Variants in UBL7 observed in about 807,000 individuals in gnomAD.
UBL7 encodes ubiquitin like 7, also known as ubiquitin-like protein 7.
A neutral mutation model predicts 41.7 loss-of-function variants in UBL7; 21 were observed. That is an observed-to-expected ratio of 0.50 (90% CI 0.36 to 0.73). The LOEUF (loss-of-function observed/expected upper bound fraction) is 0.73. Among genes scored for constraint, UBL7 ranks in the 30% least tolerant of loss-of-function variants. The pLI is 0.00. For missense variants in UBL7, 403 were observed against 478.4 expected (o/e 0.84, Z 1.47); for synonymous variants, 157 against 186.9 (o/e 0.84, Z 1.31).
In UBL7 at chr15:74,459,794, G is replaced by A. The variant is rs534562791; in HGVS notation, c.-29-898C>T. On this transcript the variant is annotated intron_variant, in intron 1 of 10. Transcript: ENST00000395081. ...CAGCCTGGCCAACATGGTGAAACCC[G>A]TCACTACTAAAAATACAAAAATTAG... 4.8e-4 allele frequency among the ~76,000 whole-genome samples: 70 copies of A among 146,928 alleles called. No homozygotes were observed. In the South Asian group the frequency reaches 0.013, roughly 27 times the overall value.
intron 1 of UBL7, among the ~76,000 whole-genome samples, chr15:74,459,932 C>CAAA (rs55846825): frequency 1.4e-3 from 25 of 18,270 alleles, no homozygotes; most frequent in Admixed American, 3.9e-3. Flanking sequence ...GACTCTGTCG[C>CAAA]AAAAAAAAAA....
chr15:74,458,797 C>T lies in UBL7; in HGVS notation c.71G>A (p.Arg24Gln), dbSNP rs552126715. ...TTCTCCCAGTTCTGTCTCTGGCAAC[C>T]GAAGAATAGACTTTGGAGTAAGTGG... ...DQPLTPKSIL[R>Q]LPETELGEYS... Residue 24 changes from arginine (R) to glutamine (Q), a missense_variant, in exon 2 of 11, where the codon CGG becomes CAG. By Grantham distance (43) the Arg-to-Gln change is conservative (BLOSUM62 1). Transcript: ENST00000395081. 14 of 1,613,802 alleles carry T rather than the reference C, an allele frequency of 8.7e-6. No individual in the cohort carries two copies. The highest frequency in any genetic ancestry group is 5.5e-5 in the South Asian group (5 of 91,086).
chr15:74,448,405 A>C lies in UBL7; in HGVS notation c.1005+73T>G, dbSNP rs193151154. 320 of 1,598,622 alleles carry C rather than the reference A, an allele frequency of 2.0e-4. 1 individual carries two copies. The highest frequency in any genetic ancestry group is 2.4e-5 in the Non-Finnish European group (28 of 1,171,190). ...CATGCCAGGTGTGAAGGACCGCCAG[A>C]GAGCAAAACAAAGGCTGGGCATCCA... On this transcript the variant is annotated intron_variant, in intron 10 of 10. Coordinates refer to ENST00000395081, the MANE Select transcript of UBL7 (RefSeq NM_032907.5).
At chr15:74,455,469 G>A (rs1434921552) in intron 3 of UBL7, among the ~76,000 whole-genome samples, 1 of 152,214 alleles carries the variant, frequency 6.6e-6, no homozygotes, top group Non-Finnish European at 1.5e-5. Context: ...AGAGCAGTTA[G>A]CTAACTGAAC....
intron 2 of UBL7, among the ~76,000 whole-genome samples, chr15:74,457,388 C>A (rs985040583): frequency 1.3e-5 from 2 of 151,992 alleles, no homozygotes; most frequent in African/African-American, 4.8e-5. Flanking sequence ...ACCAAAAATA[C>A]AAAAATTAGC....
rs2061242254 is a variant in UBL7, at chr15:74,451,178, C to A, written c.472+258G>T. On this transcript the variant is annotated intron_variant, in intron 5 of 10. Transcript: ENST00000395081. ...GTGTGCAGGACGCCTTCCCTGATTGCTGTGATGTGGGCTAACTGCTATCCT... is the reference window on the plus strand; with the variant it reads ...GTGTGCAGGACGCCTTCCCTGATTGATGTGATGTGGGCTAACTGCTATCCT... 2.0e-5 allele frequency among the ~76,000 whole-genome samples: 3 copies of A among 152,222 alleles called. No homozygotes were observed. In the South Asian group the frequency reaches 6.2e-4, roughly 32 times the overall value.
intron 1 of UBL7, 24 bp downstream of exon 1, chr15:74,461,012 GA>G: frequency 9.2e-7 from 1 of 1,092,064 alleles, no homozygotes; most frequent in Non-Finnish European, 1.1e-6. Context: ...AATGGGGCAG[GA>G]ACACTATCCG....
intron 2 of UBL7, among the ~76,000 whole-genome samples, chr15:74,457,416 G>A (rs151172672): frequency 0.024 from 3,591 of 152,214 alleles, 141 homozygotes; most frequent in African/African-American, 0.082. Context: ...GGTGGCAGAC[G>A]CCTGTAATCC....
chr15:74,446,307 G>A lies in UBL7; in HGVS notation c.1006-80C>T. 8.3e-6 allele frequency: 13 copies of A among 1,566,156 alleles called. No homozygotes were observed. The highest frequency in any genetic ancestry group is 1.1e-5 in the Non-Finnish European group (13 of 1,152,510). ...ACTTAGGTCTGTGCTTTCCGGGGAAGGAAAGGAAGATGGGGGAGTCCTCAG... is the reference window on the plus strand; with the variant it reads ...ACTTAGGTCTGTGCTTTCCGGGGAAAGAAAGGAAGATGGGGGAGTCCTCAG... On this transcript the variant is annotated intron_variant, in intron 10 of 10. Coordinates refer to ENST00000395081, the MANE Select transcript of UBL7 (RefSeq NM_032907.5). This position sits in a 1 kb window ranked among gnomAD's most constrained non-coding sequence, Gnocchi z 4.1.
Position 74,461,105 on chromosome 15 carries a change from C to A in UBL7, c.-98G>T. The A allele has an allele frequency of 2.0e-6, 2 of 998,274 alleles. No homozygotes were observed. Among genetic ancestry groups the A allele is most frequent in the African/African-American group, 3.5e-5 (2 of 57,494 alleles). The allele number at this position is 998,274 out of a possible 1,614,324, so 61.8% of individuals were successfully genotyped here. A position where few individuals can be genotyped will look rare whatever the true frequency, so the allele number is the denominator to read the frequency against. On this transcript the variant is annotated 5_prime_UTR_variant, in exon 1 of 11. Coordinates refer to ENST00000395081, the MANE Select transcript of UBL7 (RefSeq NM_032907.5). ...GCGCTGCCCAGGGCCCCAGCGCCCT[C>A]ACCCGTCCCGCGGAAGGAACCCGGC...
Position 74,456,584 on chromosome 15 carries a change from C to G in UBL7, c.272G>C (p.Arg91Pro). ...IQPGSTVHVL[R>P]KSWPEPDQKP... Reference sequence around the variant, plus strand: ...CTGATCAGGTTCAGGCCAGGACTTTCGCAGAACATGGACAGTGGACCCAGG... The same window carrying G: ...CTGATCAGGTTCAGGCCAGGACTTTGGCAGAACATGGACAGTGGACCCAGG... Residue 91 changes from arginine to proline, a missense_variant, in exon 3 of 11, where the codon CGA (arginine) becomes CCA (proline). Transcript: ENST00000395081. The G allele has an allele frequency of 1.9e-6, 3 of 1,614,120 alleles. No individual in the cohort carries two copies. Among genetic ancestry groups the G allele is most frequent in the South Asian group, 2.2e-5 (2 of 91,072 alleles).
In UBL7 at chr15:74,461,058, T is replaced by A; in HGVS notation, c.-51A>T. The stretch of plus-strand genomic sequence containing the variant: ...TCACCGCTCCAGTGGGACCAGCTAC[T>A]TGGCTGACACACATCGAGCCCGCGC... On this transcript the variant is annotated 5_prime_UTR_variant, in exon 1 of 11. The change creates a new upstream start codon in the 5' untranslated region. Transcript: ENST00000395081. The A allele has an allele frequency of 9.7e-7, 1 of 1,035,038 alleles. No individual in the cohort carries two copies. Among genetic ancestry groups the A allele is most frequent in the Non-Finnish European group, 1.2e-6 (1 of 857,362 alleles). The allele number at this position is 1,035,038 out of a possible 1,614,324, so 64.1% of individuals were successfully genotyped here. A position where few individuals can be genotyped will look rare whatever the true frequency, so the allele number is the denominator to read the frequency against.
chr15:74,448,208 G>A (rs2061204300), intron 10 of UBL7, among the ~76,000 whole-genome samples: 1 of 152,192 alleles, frequency 6.6e-6, no homozygotes, highest in Admixed American at 6.5e-5. Flanking sequence ...ATCACTGAAT[G>A]AATGAATGAA....
At chr15:74,458,569 G>T in intron 2 of UBL7, 115 bp downstream of exon 2, 1 of 860,646 alleles carries the variant, frequency 1.2e-6, no homozygotes, top group Non-Finnish European at 1.8e-6. Context: ...TCCCTGGAGT[G>T]TTAACATTAT....
rs889672994 is a variant in UBL7, at chr15:74,460,315, T to C, written c.-30+722A>G. Among the ~76,000 whole-genome samples, 13 of 144,382 alleles carry C rather than the reference T, an allele frequency of 9.0e-5. No individual in the cohort carries two copies. The South Asian group carries it at 1.6e-3, about 18-fold the overall frequency. 94.7% of individuals were successfully genotyped at this position (144,382 alleles called of 152,430 possible). On this transcript the variant is annotated intron_variant, in intron 1 of 10. Coordinates refer to ENST00000395081, the MANE Select transcript of UBL7 (RefSeq NM_032907.5). ...CCATCTATATAAATTAAGTCTAAAC[T>C]TCATCGCCTGGCTTACAAAACTCCC...
At position 74,446,008 on chromosome 15, in the gene UBL7, G is replaced by A. The variant is rs1596209449; in HGVS notation, c.*82C>T. 5.8e-6 allele frequency: 9 copies of A among 1,545,328 alleles called. No individual in the cohort carries two copies. In the East Asian group the frequency reaches 2.0e-4, roughly 35 times the overall value. The stretch of plus-strand genomic sequence containing the variant: ...TGACCATCAGGTATATTGGGGAAGG[G>A]AGAGATGGAGGCACCTTCATGAGTG... On this transcript the variant is annotated 3_prime_UTR_variant, in exon 11 of 11. Coordinates refer to ENST00000395081, the MANE Select transcript of UBL7 (RefSeq NM_032907.5). The surrounding 1 kb of genome is among the most constrained non-coding windows in gnomAD (Gnocchi z 4.1).
Position 74,458,665 on chromosome 15 carries a change from C to G in UBL7, c.184+19G>C. On this transcript the variant is annotated intron_variant, in intron 2 of 10. Coordinates refer to ENST00000395081, the MANE Select transcript of UBL7 (RefSeq NM_032907.5). ...AAGAGATCAGAGCAGCAGCCCAACC[C>G]CAGTCCAGAGAGACTCACCAATCAG... 1 of 1,602,820 alleles carries G rather than the reference C, an allele frequency of 6.2e-7. No homozygotes were observed. Among genetic ancestry groups the G allele is most frequent in the Non-Finnish European group, 8.5e-7 (1 of 1,170,782 alleles).
chr15:74,452,202 G>T, intron 4 of UBL7, 94 bp downstream of exon 4: 1 of 1,339,014 alleles, frequency 7.5e-7, no homozygotes. Flanking sequence ...GGTTGCCATG[G>T]CAACGGGCTT....
At chr15:74,452,232 ACTC>A in intron 4 of UBL7, 61 bp downstream of exon 4, 1 of 1,505,290 alleles carries the variant, frequency 6.6e-7, no homozygotes, top group South Asian at 1.2e-5. Flanking sequence ...ACTCCACACC[ACTC>A]GCCAGCCAGC....
Sources: allele counts gnomAD v4.1 joint callset (sites outside exome capture counted in the v4.1 genomes callset), GRCh38; gene constraint gnomAD v4.1.1; non-coding constraint Gnocchi (gnomAD v3.1); transcripts MANE v1.5; gene names NCBI Gene and HGNC (gene_info 2026-07-23, HGNC 2026-07-21).